The following BTAF1 variants were observed in gnomAD, a reference collection of about 807,000 sequenced individuals.
BTAF1 encodes B-TFIID TATA-box binding protein associated factor 1, also known as TATA-binding protein-associated factor 172.
In BTAF1, 38 loss-of-function variants were observed where a neutral mutation model predicts 227.1. The ratio of observed to expected loss-of-function variants is 0.17; its 90% CI spans 0.13 to 0.22. The LOEUF (loss-of-function observed/expected upper bound fraction) is 0.22, where lower values mean the gene tolerates loss of function less well. Among genes scored for constraint, BTAF1 ranks in the 10% least tolerant of loss-of-function variants. The pLI, the probability that BTAF1 is intolerant of heterozygous loss-of-function variation, is 1.00. For synonymous variants in BTAF1, 742 were observed against 751.9 expected (o/e 0.99, Z 0.21); for missense variants, 1,598 against 2,204.0 (o/e 0.73, Z 5.51).
At chr10:92,009,483 G>A (rs756427379) in intron 28 of BTAF1, among the ~76,000 whole-genome samples, 1 of 152,152 alleles carries the variant, frequency 6.6e-6, no homozygotes, top group Non-Finnish European at 1.5e-5. Flanking sequence ...GGGAGTCTGT[G>A]ACCATAGCAT....
chr10:91,966,715 A>G lies in BTAF1; in HGVS notation c.1608A>G (p.Ala536=). 6.2e-7 allele frequency: 1 copy of G among 1,614,056 alleles called. No individual in the cohort carries two copies. Among genetic ancestry groups the G allele is most frequent in the African/African-American group, 1.3e-5 (1 of 75,060 alleles). The change falls in exon 14 of 38, where the codon GCA becomes GCG. Residue 536 remains alanine (A), a synonymous_variant. Transcript: ENST00000265990. ...LHHTISSVRR[A]ALETLFTLLS... is the part of the protein sequence containing the mutation. ...ACACTATATCATCAGTTCGAAGAGC[A>G]GCATTGGAAACTCTGTTTACGTTAT...
intron 20 of BTAF1, among the ~76,000 whole-genome samples, chr10:91,991,789 G>A (rs1848781125): frequency 1.3e-5 from 1 of 77,840 alleles, no homozygotes; most frequent in African/African-American, 7.3e-5. Flanking sequence ...GTGTGTGTGT[G>A]TGTGTGTGTA....
intron 25 of BTAF1, among the ~76,000 whole-genome samples, chr10:92,003,078 C>T (rs1849654875): frequency 6.6e-6 from 1 of 151,838 alleles, no homozygotes; most frequent in African/African-American, 2.4e-5. Context: ...ATCGCTTGAA[C>T]CTGGGAGGCG....
chr10:91,968,163 T>G lies in BTAF1; in HGVS notation c.1650+1406T>G, dbSNP rs1348402362. Among the ~76,000 whole-genome samples, 4 of 152,192 alleles carry G rather than the reference T, an allele frequency of 2.6e-5. No homozygotes were observed. In the East Asian group the frequency reaches 5.8e-4, roughly 22 times the overall value. On this transcript the variant is annotated intron_variant, in intron 14 of 37. Transcript: ENST00000265990. Reference sequence around the variant, plus strand: ...ACCATTACAGTATCATACAGAGTAGTTTAACTATCCCCAAAATCCCCTGTG... The same window carrying G: ...ACCATTACAGTATCATACAGAGTAGGTTAACTATCCCCAAAATCCCCTGTG...
At position 92,009,188 on chromosome 10, in the gene BTAF1, A is replaced by T; in HGVS notation, c.4083A>T (p.Gly1361=). 3 of 1,613,952 alleles carry T rather than the reference A, an allele frequency of 1.9e-6. No individual in the cohort carries two copies. Among genetic ancestry groups the T allele is most frequent in the South Asian group, 1.1e-5 (1 of 91,036 alleles). Residue 1361 remains glycine, a synonymous_variant, in exon 28 of 38, where the codon GGA becomes GGT. Coordinates refer to ENST00000265990, the MANE Select transcript of BTAF1 (RefSeq NM_003972.3). The part of the protein sequence containing the change: ...REYLNPLHYT[G]PPTERIRLQH... ...ATCTCAACCCGTTGCATTACACTGGACCTCCCACTGAAAGAATAAGGTAAG... is the reference window on the plus strand; with the variant it reads ...ATCTCAACCCGTTGCATTACACTGGTCCTCCCACTGAAAGAATAAGGTAAG...
intron 34 of BTAF1, among the ~76,000 whole-genome samples, chr10:92,024,292 C>A (rs1851336716): frequency 6.6e-6 from 1 of 152,128 alleles, no homozygotes; most frequent in African/African-American, 2.4e-5. Context: ...CTTTAGGAAC[C>A]AGTTTGTCTG....
chr10:91,956,169 A>C (rs1450598706), intron 6 of BTAF1, among the ~76,000 whole-genome samples: 1 of 152,168 alleles, frequency 6.6e-6, no homozygotes, highest in Non-Finnish European at 1.5e-5. Context: ...AAAAGCCTAA[A>C]AACGTTAATG....
At chr10:91,946,082 T>G (rs1266915803) in intron 4 of BTAF1, among the ~76,000 whole-genome samples, 2 of 152,228 alleles carry the variant, frequency 1.3e-5, no homozygotes, top group Non-Finnish European at 2.9e-5. Flanking sequence ...ACATTTGGGT[T>G]GTTTCTACCT....
At chr10:91,948,521 C>T (rs1845544883) in intron 4 of BTAF1, among the ~76,000 whole-genome samples, 1 of 150,970 alleles carries the variant, frequency 6.6e-6, no homozygotes, top group African/African-American at 2.4e-5. Flanking sequence ...GGACCACAGG[C>T]ACGTGCCACC....
chr10:92,000,563 T>G (rs1458533742), intron 25 of BTAF1, among the ~76,000 whole-genome samples: 1 of 152,178 alleles, frequency 6.6e-6, no homozygotes, highest in Non-Finnish European at 1.5e-5. Context: ...GTTTTTTGTT[T>G]GGTTGTTTGT....
chr10:91,972,187 G>T (rs1424769970), intron 14 of BTAF1, among the ~76,000 whole-genome samples: 1 of 152,116 alleles, frequency 6.6e-6, no homozygotes, highest in Non-Finnish European at 1.5e-5. Flanking sequence ...CACTATATTA[G>T]AATTAAATTC....
chr10:91,976,725 ATTCCT>A (rs1847721417), intron 14 of BTAF1, among the ~76,000 whole-genome samples: 1 of 152,178 alleles, frequency 6.6e-6, no homozygotes, highest in Admixed American at 6.5e-5. Context: ...ATTGGCAACT[ATTCCT>A]TACGATACGA....
In BTAF1 at chr10:91,964,188, G is replaced by A. The variant is rs201616150; in HGVS notation, c.1516G>A (p.Val506Ile). 2 of 1,612,210 alleles carry A rather than the reference G, an allele frequency of 1.2e-6. No homozygotes were observed. The highest frequency in any genetic ancestry group is 1.7e-6 in the Non-Finnish European group (2 of 1,179,338). Reference sequence around the variant, plus strand: ...TTCATCCTTGTTAACTTACCCTCAGGTCCAACAATGCAGGTAATTATTTCT... The same window carrying A: ...TTCATCCTTGTTAACTTACCCTCAGATCCAACAATGCAGGTAATTATTTCT... The part of the protein sequence containing the change: ...LLSSLLTYPQ[V>I]QQCSIQQSLT... Residue 506 changes from valine (V) to isoleucine (I), a missense_variant, in exon 13 of 38, where the codon GTC becomes ATC. Coordinates refer to ENST00000265990, the MANE Select transcript of BTAF1 (RefSeq NM_003972.3).
At chr10:91,948,451 A>G (rs1845540058) in intron 4 of BTAF1, among the ~76,000 whole-genome samples, 1 of 151,404 alleles carries the variant, frequency 6.6e-6, no homozygotes, top group Non-Finnish European at 1.5e-5. Flanking sequence ...GTTCAGTGAT[A>G]TGATCGTAGC....
In BTAF1 at chr10:92,011,284, A is replaced by G; in HGVS notation, c.4182-2A>G. The G allele has an allele frequency of 6.6e-7, 1 of 1,507,672 alleles. No individual in the cohort carries two copies. Among genetic ancestry groups the G allele is most frequent in the Non-Finnish European group, 8.9e-7 (1 of 1,124,350 alleles). The allele number at this position is 1,507,672 out of a possible 1,614,324, so 93.4% of individuals were successfully genotyped here. ...TAAAATTTTCTATTTATTCTCCCTT[A>G]GAAATATTAAATTTAACTACTGCAT... On this transcript the variant is annotated splice_acceptor_variant, in intron 29 of 37. Transcript: ENST00000265990. LOFTEE classifies it high-confidence loss of function.
chr10:91,963,971 A>C, intron 12 of BTAF1, 106 bp from the exon 13 acceptor site: 1 of 1,227,020 alleles, frequency 8.1e-7, no homozygotes, highest in Non-Finnish European at 1.2e-6. Flanking sequence ...GGTCATTGGA[A>C]TTGCATGTGT....
Position 91,997,054 on chromosome 10 carries a change from A to G in BTAF1, c.3511+484A>G, listed in dbSNP as rs764555526. On this transcript the variant is annotated intron_variant, in intron 24 of 37. Coordinates refer to ENST00000265990, the MANE Select transcript of BTAF1 (RefSeq NM_003972.3). The stretch of plus-strand genomic sequence containing the variant: ...TGCTAAGGGTATGGCAGCAGCTAAC[A>G]TTCTTTAACTCAAAGTATCTGAAAG... 9 of 1,224,022 alleles carry G rather than the reference A, an allele frequency of 7.4e-6. No individual in the cohort carries two copies. In the South Asian group the frequency reaches 1.0e-4, roughly 14 times the overall value. The allele number at this position is 1,224,022 out of a possible 1,614,324, so 75.8% of individuals were successfully genotyped here. A position where few individuals can be genotyped will look rare whatever the true frequency, so the allele number is the denominator to read the frequency against.
chr10:92,011,861 G>C (rs1850312576), intron 30 of BTAF1, among the ~76,000 whole-genome samples: 1 of 151,978 alleles, frequency 6.6e-6, no homozygotes, highest in African/African-American at 2.4e-5. Flanking sequence ...GAAGGAGATA[G>C]GTATGTATGT....
intron 8 of BTAF1, 102 bp downstream of exon 8, chr10:91,957,395 T>G: frequency 2.2e-6 from 2 of 929,434 alleles, no homozygotes; most frequent in Non-Finnish European, 3.3e-6. Flanking sequence ...TATTCTTCTC[T>G]GTTTGTCTCA....
Sources: gnomAD v4.1 joint callset for allele counts (sites outside exome capture counted in the v4.1 genomes callset) on GRCh38, gnomAD v4.1.1 for gene constraint, MANE v1.5 for transcripts, NCBI Gene and HGNC (gene_info 2026-07-23, HGNC 2026-07-21) for gene names.